ZNF385D: variants seen among roughly 807,000 people sequenced by gnomAD.
ZNF385D encodes the protein zinc finger protein 385D.
In ZNF385D, 15 loss-of-function variants were observed where a neutral mutation model predicts 35.8. The observed-to-expected ratio is 0.42, with a 90% CI of 0.28 to 0.64. The LOEUF (loss-of-function observed/expected upper bound fraction) is 0.64, where lower values mean the gene tolerates loss of function less well. Among genes scored for constraint, ZNF385D ranks in the 30% least tolerant of loss-of-function variants. ZNF385D has a pLI of 0.23. For missense variants in ZNF385D, 474 were observed against 494.6 expected (o/e 0.96, Z 0.39); for synonymous variants, 212 against 186.8 (o/e 1.13, Z -1.10).
intron 4 of ZNF385D, among the ~76,000 whole-genome samples, chr3:21,497,090 A>T (rs548911200): frequency 6.6e-6 from 1 of 152,250 alleles, no homozygotes; most frequent in African/African-American, 2.4e-5. Flanking sequence ...CATCTAAATC[A>T]GAAGAGAAGA....
intron 2 of ZNF385D, among the ~76,000 whole-genome samples, chr3:22,261,133 C>T (rs994930105): frequency 6.6e-6 from 1 of 151,466 alleles, no homozygotes; most frequent in Non-Finnish European, 1.5e-5. Context: ...CCATCTACAC[C>T]GACCTACCTT....
At chr3:22,213,170 T>C (rs1697635908) in intron 2 of ZNF385D, among the ~76,000 whole-genome samples, 1 of 152,102 alleles carries the variant, frequency 6.6e-6, no homozygotes, top group South Asian at 2.1e-4. Context: ...TGGAAAATTA[T>C]AATAATGTCA....
intron 3 of ZNF385D, among the ~76,000 whole-genome samples, chr3:21,947,326 C>A (rs2125289414): frequency 6.6e-6 from 1 of 150,834 alleles, no homozygotes; most frequent in South Asian, 2.1e-4. Context: ...TCTTTCAAGG[C>A]TCTTTCATGT....
intron 2 of ZNF385D, among the ~76,000 whole-genome samples, chr3:22,213,486 C>T (rs764777879): frequency 2.6e-5 from 4 of 152,088 alleles, no homozygotes; most frequent in African/African-American, 4.8e-5. Context: ...TTCTCAGATT[C>T]GTGTCAACTT....
intron 3 of ZNF385D, among the ~76,000 whole-genome samples, chr3:21,773,568 T>C (rs1286742134): frequency 6.6e-6 from 1 of 151,546 alleles, no homozygotes; most frequent in Admixed American, 6.6e-5. Context: ...TAAATGAATT[T>C]ACAAGAAAAA....
intron 3 of ZNF385D, among the ~76,000 whole-genome samples, chr3:21,884,010 G>C (rs1002115352): frequency 3.3e-5 from 5 of 151,944 alleles, no homozygotes; most frequent in Non-Finnish European, 5.9e-5. Context: ...TTATGAGAGG[G>C]TTGCTAAGGC....
At chr3:22,286,135 G>A (rs557727525) in intron 2 of ZNF385D, among the ~76,000 whole-genome samples, 4 of 152,190 alleles carry the variant, frequency 2.6e-5, no homozygotes, top group African/African-American at 9.6e-5. Flanking sequence ...AATATGTACG[G>A]TACTTACAGC....
intron 3 of ZNF385D, among the ~76,000 whole-genome samples, chr3:21,559,205 CATT>C (rs772414212): frequency 2.0e-5 from 3 of 152,062 alleles, no homozygotes; most frequent in Non-Finnish European, 4.4e-5. Flanking sequence ...TTGAGCCTCT[CATT>C]ATGATGCTAG....
chr3:21,773,367 T>G (rs932244027), intron 3 of ZNF385D, among the ~76,000 whole-genome samples: 1 of 151,926 alleles, frequency 6.6e-6, no homozygotes, highest in African/African-American at 2.4e-5. Flanking sequence ...CATGAAAGAT[T>G]TTATGATGAA....
At chr3:22,009,210 T>C (rs957871805) in intron 3 of ZNF385D, among the ~76,000 whole-genome samples, 11 of 152,124 alleles carry the variant, frequency 7.2e-5, no homozygotes, top group Admixed American at 3.9e-4. Flanking sequence ...GTGTAAAAAA[T>C]GTGATTCCAG....
At chr3:21,834,694 GCT>G (rs1318400514) in intron 3 of ZNF385D, among the ~76,000 whole-genome samples, 1 of 152,112 alleles carries the variant, frequency 6.6e-6, no homozygotes, top group Non-Finnish European at 1.5e-5. Flanking sequence ...ATGATGTTTG[GCT>G]CTGTGTCCCC....
chr3:22,127,317 C>CCTTTTT (rs1703492425), intron 3 of ZNF385D, among the ~76,000 whole-genome samples: 8 of 56,308 alleles, frequency 1.4e-4, no homozygotes, highest in African/African-American at 6.3e-4. Context: ...TCATTTCCTG[C>CCTTTTT]TTTTTTTTTT....
chr3:21,853,327 G>A (rs953712337), intron 3 of ZNF385D, among the ~76,000 whole-genome samples: 3 of 151,610 alleles, frequency 2.0e-5, no homozygotes, highest in Admixed American at 6.6e-5. Context: ...CCTGTATCGT[G>A]GTTTTAAAAC....
At chr3:21,957,613 T>C (rs1222825482) in intron 3 of ZNF385D, among the ~76,000 whole-genome samples, 4 of 152,134 alleles carry the variant, frequency 2.6e-5, no homozygotes, top group Non-Finnish European at 5.9e-5. Context: ...AGGTATTGCT[T>C]GAACTGGTGT....
intron 3 of ZNF385D, among the ~76,000 whole-genome samples, chr3:22,084,173 A>G (rs955273050): frequency 2.0e-5 from 3 of 152,204 alleles, no homozygotes; most frequent in Non-Finnish European, 2.9e-5. Flanking sequence ...AATTGCATCA[A>G]CTAACGGGCA....
At chr3:22,268,879 T>A (rs960776466) in intron 2 of ZNF385D, among the ~76,000 whole-genome samples, 1 of 151,842 alleles carries the variant, frequency 6.6e-6, no homozygotes, top group African/African-American at 2.4e-5. Flanking sequence ...ATCTGGAAAA[T>A]AGTGGGGGTG....
At chr3:21,700,177 T>A (rs2067626866) in intron 1 of ZNF385D, among the ~76,000 whole-genome samples, 1 of 152,018 alleles carries the variant, frequency 6.6e-6, no homozygotes, top group Admixed American at 6.6e-5. Flanking sequence ...GGCTAGAGAA[T>A]GTCGGGGCCA....
At chr3:22,091,012 T>C (rs920449002) in intron 3 of ZNF385D, among the ~76,000 whole-genome samples, 2 of 151,996 alleles carry the variant, frequency 1.3e-5, no homozygotes, top group South Asian at 2.1e-4. Context: ...TATATACCAA[T>C]AGAAACATGG....
chr3:21,783,958 T>C (rs897495163), intron 3 of ZNF385D, among the ~76,000 whole-genome samples: 1 of 152,128 alleles, frequency 6.6e-6, no homozygotes, highest in African/African-American at 2.4e-5. Flanking sequence ...AGAAAGAAAG[T>C]TGTGGCAGAG....
Sources: gnomAD v4.1 joint callset for allele counts (sites outside exome capture counted in the v4.1 genomes callset) on GRCh38, gnomAD v4.1.1 for gene constraint, MANE v1.5 for transcripts, NCBI Gene and HGNC (gene_info 2026-07-23, HGNC 2026-07-21) for gene names.